Variants in PAK5 observed in about 807,000 individuals in gnomAD.
PAK5 encodes serine/threonine-protein kinase PAK 5.
Under a neutral mutation model 65.9 loss-of-function variants are expected in PAK5, and 16 were observed. That is an observed-to-expected ratio of 0.24 (90% confidence interval 0.16 to 0.37). The LOEUF is 0.37. Ranked by LOEUF, PAK5 falls within the 10% of genes least tolerant of loss-of-function variation. The probability of loss-of-function intolerance (pLI) is 1.00; values close to 1 mark genes in which losing one functional copy is unlikely to be tolerated. For synonymous variants in PAK5, 371 were observed against 354.9 expected (o/e 1.05, Z -0.51); for missense variants, 785 against 903.9 (o/e 0.87, Z 1.69).
chr20:9,752,528 C>T (rs957099292), intron 1 of PAK5, among the ~76,000 whole-genome samples: 6 of 151,910 alleles, frequency 3.9e-5, no homozygotes, highest in South Asian at 2.1e-4. Context: ...GTAGATTTAA[C>T]GATATGATAA....
chr20:9,742,851 T>A (rs2048464841), intron 1 of PAK5, among the ~76,000 whole-genome samples: 1 of 152,206 alleles, frequency 6.6e-6, no homozygotes, highest in Non-Finnish European at 1.5e-5. Context: ...TTTCCCTCCT[T>A]GGGATGTCCC....
In PAK5 at chr20:9,544,400, T is replaced by C; in HGVS notation, c.1838A>G (p.Glu613Gly). Residue 613 changes from glutamate to glycine, a missense_variant, in exon 8 of 10, where the codon GAG becomes GGG. By Grantham distance (98) the Glu-to-Gly change is moderately conservative (BLOSUM62 -2). Coordinates refer to ENST00000353224, the MANE Select transcript of PAK5 (RefSeq NM_177990.4). ...CCCATAAGGTAGCCTAGAAATCACC[T>C]CAGGGGCCATCCAGTAGGGAGTGCC... Reference protein sequence around the residue: ...LVGTPYWMAPEVISRLPYGTE... With the variant: ...LVGTPYWMAPGVISRLPYGTE... 1 of 1,614,008 alleles carries C rather than the reference T, an allele frequency of 6.2e-7. No individual in the cohort carries two copies. Among genetic ancestry groups the C allele is most frequent in the Non-Finnish European group, 8.5e-7 (1 of 1,179,940 alleles).
At chr20:9,704,877 T>C (rs6056812) in intron 2 of PAK5, among the ~76,000 whole-genome samples, 109,040 of 152,042 alleles carry the variant, frequency 0.72, 39,275 homozygotes, top group South Asian at 0.85. Context: ...ACATGCTGTA[T>C]AGGCCTTGAG....
intron 1 of PAK5, among the ~76,000 whole-genome samples, chr20:9,800,707 A>G (rs2049159261): frequency 6.6e-6 from 1 of 152,096 alleles, no homozygotes; most frequent in Non-Finnish European, 1.5e-5. Flanking sequence ...TCCACAATCT[A>G]CTTTCCAAGA....
At chr20:9,744,164 T>C (rs2048481191) in intron 1 of PAK5, among the ~76,000 whole-genome samples, 1 of 152,186 alleles carries the variant, frequency 6.6e-6, no homozygotes, top group Admixed American at 6.5e-5. Context: ...TTTAGGTCAT[T>C]GATAATAACT....
chr20:9,739,373 A>G (rs1461180882), intron 1 of PAK5, among the ~76,000 whole-genome samples: 1 of 152,130 alleles, frequency 6.6e-6, no homozygotes, highest in Non-Finnish European at 1.5e-5. Context: ...TACAGAGATA[A>G]CAAGAAACTT....
intron 3 of PAK5, among the ~76,000 whole-genome samples, chr20:9,610,539 C>G (rs1874291425): frequency 2.0e-5 from 3 of 152,176 alleles, no homozygotes; most frequent in African/African-American, 7.2e-5. Context: ...AAATAGCAAA[C>G]AAGGGATGTA....
chr20:9,560,847 A>G (rs2045580056), intron 6 of PAK5, among the ~76,000 whole-genome samples: 1 of 152,334 alleles, frequency 6.6e-6, no homozygotes, highest in African/African-American at 2.4e-5. Flanking sequence ...ACGTAACAAG[A>G]TGTTAAGTTA....
intron 2 of PAK5, among the ~76,000 whole-genome samples, chr20:9,677,892 C>G (rs1358523799): frequency 1.3e-5 from 2 of 152,124 alleles, no homozygotes; most frequent in Non-Finnish European, 2.9e-5. Context: ...ACTGTTAGGT[C>G]TTGTTATTTA....
chr20:9,612,460 C>T (rs1287447190), intron 3 of PAK5, among the ~76,000 whole-genome samples: 1 of 152,108 alleles, frequency 6.6e-6, no homozygotes, highest in Non-Finnish European at 1.5e-5. Flanking sequence ...AGGAAACTTA[C>T]AATCACAGCA....
At position 9,688,467 on chromosome 20, in the gene PAK5, T is replaced by A. The variant is rs148933711; in HGVS notation, c.-12+22819A>T. 4.7e-4 allele frequency among the ~76,000 whole-genome samples: 72 copies of A among 151,982 alleles called. 1 individual carries two copies. Among genetic ancestry groups the A allele is most frequent in the Admixed American group, 3.7e-3 (57 of 15,256 alleles). ...AGTTGATAACCAACCCTGACTCAGG[T>A]CCCTGGTTCTCCTGCTGACTGCCCA... On this transcript the variant is annotated intron_variant, in intron 2 of 9. Transcript: ENST00000353224.
intron 7 of PAK5, among the ~76,000 whole-genome samples, chr20:9,546,592 G>A (rs942849673): frequency 6.6e-6 from 1 of 152,158 alleles, no homozygotes; most frequent in Non-Finnish European, 1.5e-5. Flanking sequence ...TAGGGTGATC[G>A]AAATTGAGGC....
intron 3 of PAK5, among the ~76,000 whole-genome samples, chr20:9,602,047 C>T (rs1488998070): frequency 6.6e-6 from 1 of 152,136 alleles, no homozygotes; most frequent in Non-Finnish European, 1.5e-5. Flanking sequence ...CAGGAATGCA[C>T]TTTGGGAGGC....
intron 7 of PAK5, 36 bp downstream of exon 7, chr20:9,557,572 G>A (rs770536626): frequency 6.4e-7 from 1 of 1,572,602 alleles, no homozygotes; most frequent in African/African-American, 1.4e-5. Flanking sequence ...AGAGTGACAA[G>A]AAAAACTACG....
intron 1 of PAK5, among the ~76,000 whole-genome samples, chr20:9,761,764 A>G (rs1005727859): frequency 5.9e-5 from 9 of 152,212 alleles, no homozygotes; most frequent in Non-Finnish European, 1.5e-5. Flanking sequence ...TCATTTTATC[A>G]TCTATACATC....
At chr20:9,715,327 A>T (rs75959346) in intron 1 of PAK5, among the ~76,000 whole-genome samples, 101,033 of 150,704 alleles carry the variant, frequency 0.67, 34,067 homozygotes, top group South Asian at 0.84. Context: ...AGAGAAATGC[A>T]AATCGAAACC....
At chr20:9,707,136 T>C (rs2048018805) in intron 2 of PAK5, among the ~76,000 whole-genome samples, 1 of 152,102 alleles carries the variant, frequency 6.6e-6, no homozygotes, top group Non-Finnish European at 1.5e-5. Context: ...TTTCTTTCTT[T>C]TTTCTTTTCT....
chr20:9,656,815 T>C (rs534136203), intron 2 of PAK5, among the ~76,000 whole-genome samples: 153 of 152,294 alleles, frequency 1.0e-3, no homozygotes, highest in African/African-American at 3.5e-3. Context: ...ATTATTATTA[T>C]TGTAAAGGAA....
intron 2 of PAK5, among the ~76,000 whole-genome samples, chr20:9,647,245 G>A (rs1419432458): frequency 6.6e-6 from 1 of 152,156 alleles, no homozygotes; most frequent in Admixed American, 6.5e-5. Flanking sequence ...TGTTTTCAGT[G>A]GCAGGAAATT....
Sources: allele counts gnomAD v4.1 joint callset (sites outside exome capture counted in the v4.1 genomes callset), GRCh38; gene constraint gnomAD v4.1.1; transcripts MANE v1.5; gene names NCBI Gene and HGNC (gene_info 2026-07-23, HGNC 2026-07-21).